ZMIZ1: variants seen among roughly 807,000 people sequenced by gnomAD.
The protein encoded by ZMIZ1 is zinc finger MIZ-type containing 1.
Under a neutral mutation model 113.9 loss-of-function variants are expected in ZMIZ1, and 17 were observed. That is an observed-to-expected ratio of 0.15 (90% CI 0.10 to 0.22). The LOEUF (loss-of-function observed/expected upper bound fraction) is 0.22, where lower values mean the gene tolerates loss of function less well. Among genes scored for constraint, ZMIZ1 ranks in the 10% least tolerant of loss-of-function variants. The pLI is 1.00. For synonymous variants in ZMIZ1, 607 were observed against 603.1 expected, an observed-to-expected ratio of 1.01 and a Z score of -0.09; for missense variants, 1,059 against 1,477.8, an observed-to-expected ratio of 0.72 and a Z score of 4.65.
At chr10:79,123,221 C>T (rs1844373567) in intron 2 of ZMIZ1, among the ~76,000 whole-genome samples, 2 of 152,190 alleles carry the variant, frequency 1.3e-5, no homozygotes, top group Non-Finnish European at 1.5e-5. Context: ...ACTCAAAACA[C>T]TCTTGGTGGA....
chr10:79,201,090 C>T (rs1482329992), intron 4 of ZMIZ1, among the ~76,000 whole-genome samples: 3 of 152,082 alleles, frequency 2.0e-5, no homozygotes, highest in Admixed American at 1.3e-4. Context: ...GGCGGATCAC[C>T]TGAGGTCAGG....
intron 21 of ZMIZ1, 129 bp downstream of exon 21, chr10:79,305,730 C>T (rs1288978088): frequency 1.0e-6 from 1 of 956,450 alleles, no homozygotes; most frequent in East Asian, 2.5e-5. Flanking sequence ...CCACATCCCC[C>T]ACCTCTCTGT....
intron 14 of ZMIZ1, 144 bp from the exon 15 acceptor site, chr10:79,298,262 G>A: frequency 3.2e-6 from 3 of 938,696 alleles, no homozygotes; most frequent in Non-Finnish European, 4.8e-6. Flanking sequence ...AGATCTGCGA[G>A]AGAGAAGAGT....
At chr10:79,120,808 C>T (rs1844259298) in intron 2 of ZMIZ1, among the ~76,000 whole-genome samples, 4 of 152,180 alleles carry the variant, frequency 2.6e-5, no homozygotes, top group Admixed American at 2.6e-4. Context: ...CCCCTGGGGC[C>T]TGGGTACTCT....
intron 7 of ZMIZ1, among the ~76,000 whole-genome samples, chr10:79,261,434 A>G (rs1270948617): frequency 6.6e-6 from 1 of 152,210 alleles, no homozygotes. Context: ...CGTGCTGATT[A>G]AACACTGCAG....
At chr10:79,304,686 G>T (rs1418083623) in intron 19 of ZMIZ1, among the ~76,000 whole-genome samples, 5 of 152,248 alleles carry the variant, frequency 3.3e-5, no homozygotes, top group Non-Finnish European at 4.4e-5. Flanking sequence ...GTCACCTGCA[G>T]CTGGTCCTGA....
At position 79,299,201 on chromosome 10, in the gene ZMIZ1, A is replaced by G. The variant is rs1854126287; in HGVS notation, c.1808+10A>G. The G allele has an allele frequency of 5.0e-6, 8 of 1,598,220 alleles. No individual in the cohort carries two copies. The East Asian group carries it at 1.6e-4, about 31-fold the overall frequency. The stretch of plus-strand genomic sequence containing the variant: ...AGACGCTGATGTGGAGGTGCGTGTC[A>G]GGGCAGGGGCGCCAGCCCAGGCGGG... On this transcript the variant is annotated intron_variant, in intron 16 of 24. Coordinates refer to ENST00000334512, the MANE Select transcript of ZMIZ1 (RefSeq NM_020338.4).
chr10:79,228,106 C>G (rs1188394173), intron 7 of ZMIZ1, among the ~76,000 whole-genome samples: 1 of 152,222 alleles, frequency 6.6e-6, no homozygotes, highest in African/African-American at 2.4e-5. Context: ...AGCAGCCCAG[C>G]TCAAAATTAT....
chr10:79,119,211 G>A (rs1417315871), intron 2 of ZMIZ1, among the ~76,000 whole-genome samples, 187 bp downstream of exon 2: 1 of 152,200 alleles, frequency 6.6e-6, no homozygotes, highest in African/African-American at 2.4e-5. Flanking sequence ...ACACAGTGGA[G>A]GGTGGTGAAT....
intron 8 of ZMIZ1, among the ~76,000 whole-genome samples, chr10:79,279,819 A>G (rs113265419): frequency 7.2e-5 from 11 of 152,088 alleles, no homozygotes; most frequent in African/African-American, 2.7e-4. Flanking sequence ...AAAACCAGTC[A>G]GGCATGGTGG....
chr10:79,260,488 G>A (rs757968835), intron 7 of ZMIZ1, among the ~76,000 whole-genome samples: 1 of 152,224 alleles, frequency 6.6e-6, no homozygotes, highest in Non-Finnish European at 1.5e-5. Context: ...CTTCCAGGCA[G>A]AGGTGGCAAA....
intron 5 of ZMIZ1, among the ~76,000 whole-genome samples, chr10:79,203,298 A>C (rs1043704944): frequency 6.6e-6 from 1 of 152,172 alleles, no homozygotes; most frequent in Non-Finnish European, 1.5e-5. Context: ...CTTAAAGTCT[A>C]TGCAGGGTAT....
chr10:79,076,003 T>C (rs190469735), intron 1 of ZMIZ1, among the ~76,000 whole-genome samples: 210 of 152,292 alleles, frequency 1.4e-3, no homozygotes, highest in African/African-American at 4.6e-3. Context: ...TGCCCTCCTC[T>C]TAGCTCGGGA....
chr10:79,253,969 C>T (rs890239758), intron 7 of ZMIZ1, among the ~76,000 whole-genome samples: 3 of 152,216 alleles, frequency 2.0e-5, no homozygotes, highest in Non-Finnish European at 4.4e-5. Context: ...TTTTCCTCTC[C>T]GTTCAGAAAA....
Position 79,291,106 on chromosome 10 carries a change from G to A in ZMIZ1, c.688G>A (p.Ala230Thr), listed in dbSNP as rs757894239. ...QQQFSAKAGP[A>T]QPYIQQSMYG... ...GCAGTTCTCAGCCAAGGCTGGCCCCGCTCAGCCCTACATCCAGCAGAGCAT... is the reference window on the plus strand; with the variant it reads ...GCAGTTCTCAGCCAAGGCTGGCCCCACTCAGCCCTACATCCAGCAGAGCAT... Residue 230 changes from alanine to threonine, a missense_variant, in exon 10 of 25, where the codon GCT (alanine) becomes ACT (threonine). By Grantham distance (58) the Ala-to-Thr change is moderately conservative. This residue lies in a region of ZMIZ1 where 272 missense variants were observed against 350.4 expected (regional missense o/e 0.78). Transcript: ENST00000334512. 8 of 1,614,080 alleles carry A rather than the reference G, an allele frequency of 5.0e-6. No individual in the cohort carries two copies. The African/African-American group carries it at 5.3e-5, about 11-fold the overall frequency.
chr10:79,215,007 C>G (rs1589434019), intron 6 of ZMIZ1, among the ~76,000 whole-genome samples: 1 of 152,072 alleles, frequency 6.6e-6, no homozygotes, highest in East Asian at 1.9e-4. Context: ...CCCTCCCAGT[C>G]TGCCGCCTCT....
intron 7 of ZMIZ1, among the ~76,000 whole-genome samples, chr10:79,235,159 C>T (rs142799422): frequency 6.6e-6 from 1 of 152,322 alleles, no homozygotes. Flanking sequence ...GTCCAGAGCC[C>T]CTGGAGGTGG....
intron 1 of ZMIZ1, among the ~76,000 whole-genome samples, chr10:79,071,231 A>G (rs1763039009): frequency 6.6e-6 from 1 of 152,312 alleles, no homozygotes; most frequent in African/African-American, 2.4e-5. Flanking sequence ...TTTCTTGAGC[A>G]ACAGTTTGTC....
At chr10:79,147,365 G>A (rs969804365) in intron 3 of ZMIZ1, among the ~76,000 whole-genome samples, 1 of 152,198 alleles carries the variant, frequency 6.6e-6, no homozygotes, top group African/African-American at 2.4e-5. Context: ...AGCCGAGAAA[G>A]ACAGAGTCCT....
Sources: gnomAD v4.1 joint callset for allele counts (sites outside exome capture counted in the v4.1 genomes callset) on GRCh38, gnomAD v4.1.1 for gene constraint, gnomAD v4.1.1 regional missense constraint, MANE v1.5 for transcripts, NCBI Gene and HGNC (gene_info 2026-07-23, HGNC 2026-07-21) for gene names.